DOCK3: variants seen among roughly 807,000 people sequenced by gnomAD.
DOCK3 encodes the protein dedicator of cytokinesis 3, also known as dedicator of cytokinesis protein 3.
A neutral mutation model predicts 265.6 loss-of-function variants in DOCK3; 60 were observed. That is an observed-to-expected ratio of 0.23 (90% CI 0.18 to 0.28). DOCK3 has a LOEUF of 0.28. Ranked by LOEUF, DOCK3 falls within the 10% of genes least tolerant of loss-of-function variation. The pLI is 1.00. For missense variants in DOCK3, 1,981 were observed against 2,594.3 expected (o/e 0.76, Z 5.14); for synonymous variants, 881 against 938.0 (o/e 0.94, Z 1.11).
chr3:50,802,147 A>G (rs1203464214), intron 2 of DOCK3, among the ~76,000 whole-genome samples: 2 of 152,000 alleles, frequency 1.3e-5, no homozygotes, highest in African/African-American at 4.8e-5. Context: ...TATCCATTCA[A>G]CCTATCTATG....
chr3:50,982,571 C>T (rs574216557), intron 5 of DOCK3, among the ~76,000 whole-genome samples: 5 of 152,350 alleles, frequency 3.3e-5, no homozygotes, highest in Non-Finnish European at 7.3e-5. Context: ...CCACTCCAGA[C>T]CCTGGCCCTG....
At chr3:51,325,595 A>G (rs1326478148) in intron 32 of DOCK3, among the ~76,000 whole-genome samples, 3 of 152,198 alleles carry the variant, frequency 2.0e-5, no homozygotes, top group African/African-American at 4.8e-5. Flanking sequence ...TCATTCTACT[A>G]TAAAGACACA....
At chr3:50,719,063 C>T (rs112929987) in intron 1 of DOCK3, among the ~76,000 whole-genome samples, 1 of 152,070 alleles carries the variant, frequency 6.6e-6, no homozygotes, top group African/African-American at 2.4e-5. Flanking sequence ...GGATTACAGG[C>T]GTGAGCCACT....
At chr3:50,882,151 A>G (rs2048075402) in intron 3 of DOCK3, among the ~76,000 whole-genome samples, 1 of 152,190 alleles carries the variant, frequency 6.6e-6, no homozygotes, top group Non-Finnish European at 1.5e-5. Context: ...TAGACCTAAA[A>G]CCATAAGAAC....
Position 51,228,740 on chromosome 3 carries a change from C to T in DOCK3, c.1727C>T (p.Pro576Leu). 1.9e-6 allele frequency: 3 copies of T among 1,613,964 alleles called. No homozygotes were observed. Among genetic ancestry groups the T allele is most frequent in the Non-Finnish European group, 2.5e-6 (3 of 1,179,892 alleles). The change falls in exon 18 of 53, where the codon CCT becomes CTT. Residue 576 changes from proline (P) to leucine (L), a missense_variant. Physicochemically the swap from Pro to Leu is moderately conservative, Grantham distance 98. This residue lies in a region of DOCK3 where 1,357 missense variants were observed against 1,866.8 expected (regional missense o/e 0.73). Coordinates refer to ENST00000266037, the MANE Select transcript of DOCK3 (RefSeq NM_004947.5). ...TGCAAAGAGGACTACAATGGCTGCC[C>T]TAATATTCCTTCTAGCCTCATCTTC... ...PCCKEDYNGC[P>L]NIPSSLIFQR...
At chr3:50,933,123 G>T (rs752100057) in intron 4 of DOCK3, among the ~76,000 whole-genome samples, 1 of 152,126 alleles carries the variant, frequency 6.6e-6, no homozygotes, top group African/African-American at 2.4e-5. Flanking sequence ...GACCCACCCC[G>T]ATGATTCAGT....
chr3:51,042,474 A>G (rs1387628875), intron 5 of DOCK3, among the ~76,000 whole-genome samples: 1 of 152,202 alleles, frequency 6.6e-6, no homozygotes, highest in African/African-American at 2.4e-5. Context: ...CACATACTGA[A>G]TGGGCACCAT....
intron 40 of DOCK3, 38 bp from the exon 41 acceptor site, chr3:51,354,844 C>T (rs1164396716): frequency 1.3e-6 from 2 of 1,596,818 alleles, no homozygotes; most frequent in East Asian, 2.2e-5. Context: ...GGGCTACAAG[C>T]AAAGCATACA....
intron 21 of DOCK3, among the ~76,000 whole-genome samples, chr3:51,239,253 A>G (rs775037690): frequency 6.6e-4 from 89 of 135,768 alleles, no homozygotes; most frequent in Non-Finnish European, 1.0e-3. Context: ...TCTGTCACCT[A>G]GGATGGAGTA....
At chr3:50,790,795 G>A in intron 2 of DOCK3, among the ~76,000 whole-genome samples, 1 of 152,038 alleles carries the variant, frequency 6.6e-6, no homozygotes, top group Non-Finnish European at 1.5e-5. Context: ...CTGTGTGCCT[G>A]GGCGATGATC....
In DOCK3 at chr3:51,056,283, C is replaced by G. The variant is rs565174122; in HGVS notation, c.316-8165C>G. On this transcript the variant is annotated intron_variant, in intron 5 of 52. Coordinates refer to ENST00000266037, the MANE Select transcript of DOCK3 (RefSeq NM_004947.5). ...TTATTTTTTGAGACGGAGTCTCGCT[C>G]TGTTCCCCAGGCTGGAATGCAGTGG... Among the ~76,000 whole-genome samples, 19 of 152,330 alleles carry G rather than the reference C, an allele frequency of 1.2e-4. No individual in the cohort carries two copies. In the South Asian group the frequency reaches 3.5e-3, roughly 28 times the overall value.
At chr3:50,752,527 A>C (rs1157064047) in intron 1 of DOCK3, among the ~76,000 whole-genome samples, 9 of 4,938 alleles carry the variant, frequency 1.8e-3, no homozygotes, top group Admixed American at 5.8e-3. Flanking sequence ...AAAAAAACAA[A>C]AACAACTGGG....
intron 10 of DOCK3, among the ~76,000 whole-genome samples, chr3:51,146,895 G>A (rs1231527142): frequency 6.6e-6 from 1 of 151,962 alleles, no homozygotes; most frequent in African/African-American, 2.4e-5. Context: ...TCATATAATA[G>A]ACACTTAAAA....
intron 9 of DOCK3, among the ~76,000 whole-genome samples, chr3:51,143,166 C>T (rs1258088643): frequency 6.6e-6 from 1 of 150,922 alleles, no homozygotes; most frequent in Admixed American, 6.6e-5. Context: ...GGATTACAGG[C>T]GTGAGCCACC....
Position 50,841,939 on chromosome 3 carries a change from G to C in DOCK3, c.162+224G>C, listed in dbSNP as rs539956068. On this transcript the variant is annotated intron_variant, in intron 3 of 52. Transcript: ENST00000266037. ...ATATCATAGCTGCAAAGCTTATCTT[G>C]AAAAAGCCTATTCAGGCTTTTAAAT... 4.6e-5 allele frequency among the ~76,000 whole-genome samples: 7 copies of C among 151,792 alleles called. No homozygotes were observed. In the East Asian group the frequency reaches 1.4e-3, roughly 30 times the overall value.
chr3:50,937,412 T>C (rs2051435412), intron 5 of DOCK3, among the ~76,000 whole-genome samples: 1 of 152,060 alleles, frequency 6.6e-6, no homozygotes, highest in African/African-American at 2.4e-5. Flanking sequence ...CCCAGCACTT[T>C]GGGAGGCCGA....
intron 20 of DOCK3, among the ~76,000 whole-genome samples, 160 bp from the exon 21 acceptor site, chr3:51,237,330 C>A (rs2078390639): frequency 6.6e-6 from 1 of 152,110 alleles, no homozygotes. Context: ...GACAGAAATA[C>A]AGACACAGAA....
rs964506084 is a variant in DOCK3, at chr3:50,797,343, A to G, written c.121+18585A>G. Among the ~76,000 whole-genome samples the G allele has an allele frequency of 4.6e-5, 7 of 152,186 alleles. No homozygotes were observed. In the South Asian group the frequency reaches 1.2e-3, roughly 27 times the overall value. ...GGAGAGTCCGCTCTTCTCTAGGTCT[A>G]GTTTCACTCCTGTGGCAGCGTTGGT... is the stretch of plus-strand genomic sequence containing the variant. On this transcript the variant is annotated intron_variant, in intron 2 of 52. Coordinates refer to ENST00000266037, the MANE Select transcript of DOCK3 (RefSeq NM_004947.5).
In DOCK3 at chr3:50,823,311, C is replaced by T. The variant is rs539068670; in HGVS notation, c.122-18364C>T. Among the ~76,000 whole-genome samples the T allele has an allele frequency of 8.5e-4, 129 of 152,242 alleles. No homozygotes were observed. The Middle Eastern group carries it at 0.014, about 16-fold the overall frequency. On this transcript the variant is annotated intron_variant, in intron 2 of 52. Transcript: ENST00000266037. The stretch of plus-strand genomic sequence containing the variant: ...CTAGGCAGAGGACCCTGCGGCCTTC[C>T]GGCCTTCCACAGTGTTTGTGTCCCT...
Sources: allele counts gnomAD v4.1 joint callset (sites outside exome capture counted in the v4.1 genomes callset), GRCh38; gene constraint gnomAD v4.1.1; regional missense constraint gnomAD v4.1.1; transcripts MANE v1.5; gene names NCBI Gene and HGNC (gene_info 2026-07-23, HGNC 2026-07-21).